The following CAMK2A variants were observed in gnomAD, a reference collection of about 807,000 sequenced individuals.
CAMK2A encodes calcium/calmodulin dependent protein kinase II alpha.
In CAMK2A, 7 loss-of-function variants were observed where a neutral mutation model predicts 79.2. That is an observed-to-expected ratio of 0.09 (90% CI 0.05 to 0.17). The LOEUF (loss-of-function observed/expected upper bound fraction) is 0.17, where lower values mean the gene tolerates loss of function less well. Among genes scored for constraint, CAMK2A ranks in the 10% least tolerant of loss-of-function variants. The probability of loss-of-function intolerance (pLI) is 1.00; values close to 1 mark genes in which losing one functional copy is unlikely to be tolerated. For missense variants in CAMK2A, 214 were observed against 646.4 expected (o/e 0.33, Z 7.25); for synonymous variants, 242 against 251.7 (o/e 0.96, Z 0.36).
At chr5:150,265,177 A>G (rs1295699292) in intron 2 of CAMK2A, 162 bp from the exon 3 acceptor site, 2 of 637,382 alleles carry the variant, frequency 3.1e-6, no homozygotes, top group Non-Finnish European at 2.9e-6. Flanking sequence ...CAGGAAGACC[A>G]TGGGGTGCAG....
chr5:150,231,508 G>T, intron 15 of CAMK2A, 128 bp from the exon 16 acceptor site: 1 of 372,340 alleles, frequency 2.7e-6, no homozygotes, highest in Non-Finnish European at 4.6e-6. Flanking sequence ...ACTCTGTGCT[G>T]GGACCTGAAG....
At chr5:150,249,678 G>A (rs886834691) in intron 11 of CAMK2A, among the ~76,000 whole-genome samples, 3 of 152,024 alleles carry the variant, frequency 2.0e-5, no homozygotes, top group African/African-American at 7.2e-5. Flanking sequence ...CTCCTGAGTA[G>A]CTGGGATTAC....
intron 15 of CAMK2A, among the ~76,000 whole-genome samples, chr5:150,236,339 T>C (rs1408953132): frequency 1.3e-5 from 2 of 152,202 alleles, no homozygotes; most frequent in African/African-American, 4.8e-5. Flanking sequence ...TCCAAGAAAA[T>C]GTCACCTGGC....
chr5:150,252,887 G>A (rs1316667808), intron 7 of CAMK2A, among the ~76,000 whole-genome samples: 1 of 152,186 alleles, frequency 6.6e-6, no homozygotes, highest in Non-Finnish European at 1.5e-5. Flanking sequence ...GTCGGGATTT[G>A]AACCCAGAAC....
At chr5:150,265,418 C>T (rs978571297) in intron 2 of CAMK2A, 1 of 180,376 alleles carries the variant, frequency 5.5e-6, no homozygotes, top group African/African-American at 2.3e-5. Context: ...CAGCTTGAAA[C>T]ACTTACTCTA....
upstream of CAMK2A, chr5:150,289,881 T>A: frequency 1.9e-6 from 1 of 517,172 alleles, no homozygotes; most frequent in South Asian, 2.7e-5. Context: ...GGTAACTGCC[T>A]CCCCAACACC....
intron 16 of CAMK2A, among the ~76,000 whole-genome samples, chr5:150,229,992 G>T (rs1206375727): frequency 6.6e-6 from 1 of 152,092 alleles, no homozygotes; most frequent in African/African-American, 2.4e-5. Context: ...TTTGCCACCT[G>T]CTGCTCCTGA....
chr5:150,226,852 G>A (rs1235234038), intron 17 of CAMK2A, among the ~76,000 whole-genome samples: 9 of 150,084 alleles, frequency 6.0e-5, no homozygotes, highest in Non-Finnish European at 1.0e-4. Flanking sequence ...CGCCCAGGCT[G>A]GATTGCAGTG....
chr5:150,259,647 C>G (rs1007369841), intron 3 of CAMK2A, among the ~76,000 whole-genome samples: 3 of 151,986 alleles, frequency 2.0e-5, no homozygotes, highest in Admixed American at 6.5e-5. Context: ...ACATGTAATT[C>G]TGCTTTAATT....
chr5:150,286,746 G>A (rs539119137), intron 1 of CAMK2A, among the ~76,000 whole-genome samples: 2 of 152,096 alleles, frequency 1.3e-5, no homozygotes, highest in Non-Finnish European at 2.9e-5. Flanking sequence ...AGGCCAGCCA[G>A]GGGGGAAGCA....
rs977799580 is a variant in CAMK2A, at chr5:150,284,039, G to A, written c.62+5525C>T. 6.6e-6 allele frequency among the ~76,000 whole-genome samples: 1 copy of A among 152,226 alleles called. No homozygotes were observed. Among genetic ancestry groups the A allele is most frequent in the Non-Finnish European group, 1.5e-5 (1 of 68,028 alleles). On this transcript the variant is annotated intron_variant, in intron 1 of 18. Coordinates refer to ENST00000671881, the MANE Select transcript of CAMK2A (RefSeq NM_015981.4). This position sits in a 1 kb window ranked among gnomAD's most constrained non-coding sequence, Gnocchi z 5.3. ...GTTGGGCTGCACCTGCACTCAGCAG[G>A]TTGCCTGGGGTAGGAGGCTTCCTAC... is the stretch of plus-strand genomic sequence containing the variant.
Position 150,256,733 on chromosome 5 carries a change from G to T in CAMK2A, c.338+33C>A, listed in dbSNP as rs569103894. The T allele has an allele frequency of 6.2e-7, 1 of 1,610,640 alleles. No homozygotes were observed. The highest frequency in any genetic ancestry group is 1.3e-5 in the African/African-American group (1 of 74,836). On this transcript the variant is annotated intron_variant, in intron 5 of 18. Coordinates refer to ENST00000671881, the MANE Select transcript of CAMK2A (RefSeq NM_015981.4). The surrounding 1 kb of genome is among the most constrained non-coding windows in gnomAD (Gnocchi z 4.6). ...CAGCAGGCAAGAGTGCCCTGTCCCCGGGTGCCATTGCCAGGCAGCACCTGA... is the reference window on the plus strand; with the variant it reads ...CAGCAGGCAAGAGTGCCCTGTCCCCTGGTGCCATTGCCAGGCAGCACCTGA...
chr5:150,222,584 G>A lies in CAMK2A; in HGVS notation c.*126C>T, dbSNP rs2114010355. On this transcript the variant is annotated 3_prime_UTR_variant, in exon 19 of 19. Coordinates refer to ENST00000671881, the MANE Select transcript of CAMK2A (RefSeq NM_015981.4). ...AGGTTTTCTTGATGCAGGTACAGAA[G>A]TGACGGTGGTGGGGTGATGACATGG... 1 of 1,039,200 alleles carries A rather than the reference G, an allele frequency of 9.6e-7. No homozygotes were observed. The highest frequency in any genetic ancestry group is 1.5e-6 in the Non-Finnish European group (1 of 668,894). 64.4% of individuals were successfully genotyped at this position (1,039,200 alleles called of 1,614,324 possible). A position where few individuals can be genotyped will look rare whatever the true frequency, so the allele number is the denominator to read the frequency against.
chr5:150,282,407 A>G (rs1580958613), intron 1 of CAMK2A, among the ~76,000 whole-genome samples: 1 of 152,240 alleles, frequency 6.6e-6, no homozygotes, highest in East Asian at 1.9e-4. Context: ...TTCTCTTTAC[A>G]GTGCTTAAAG....
chr5:150,241,893 T>C (rs1486300352), intron 13 of CAMK2A, among the ~76,000 whole-genome samples: 1 of 151,926 alleles, frequency 6.6e-6, no homozygotes, highest in Admixed American at 6.5e-5. Context: ...AGGCACAGAA[T>C]GGGGAAGGGG....
intron 11 of CAMK2A, among the ~76,000 whole-genome samples, chr5:150,249,746 C>T (rs761528076): frequency 2.0e-5 from 3 of 152,104 alleles, no homozygotes; most frequent in Non-Finnish European, 2.9e-5. Flanking sequence ...CAGGGTTTCA[C>T]CTCATTGGCC....
At chr5:150,242,789 C>T (rs1755406319) in intron 13 of CAMK2A, among the ~76,000 whole-genome samples, 1 of 152,224 alleles carries the variant, frequency 6.6e-6, no homozygotes, top group African/African-American at 2.4e-5. Context: ...ATTCTCCCCA[C>T]ACTCCTTCCG....
At position 150,245,259 on chromosome 5, in the gene CAMK2A, G is replaced by C. The variant is rs1348533236; in HGVS notation, c.944-58C>G. 3.2e-6 allele frequency: 5 copies of C among 1,553,928 alleles called. No homozygotes were observed. The East Asian group carries it at 9.0e-5, about 28-fold the overall frequency. ...GCCAGGCAGGGCACCAGGGCCCACA[G>C]GGCGAGGACGAGCAGCATCCACACG... On this transcript the variant is annotated intron_variant, in intron 12 of 18. Transcript: ENST00000671881.
intron 1 of CAMK2A, among the ~76,000 whole-genome samples, chr5:150,282,121 C>T (rs763143360): frequency 2.0e-5 from 3 of 152,134 alleles, no homozygotes; most frequent in African/African-American, 2.4e-5. Flanking sequence ...ACACCTCTCC[C>T]GTCCTCTCGA....
Sources: gnomAD v4.1 joint callset for allele counts (sites outside exome capture counted in the v4.1 genomes callset) on GRCh38, gnomAD v4.1.1 for gene constraint, Gnocchi (gnomAD v3.1) non-coding constraint, MANE v1.5 for transcripts, NCBI Gene and HGNC (gene_info 2026-07-23, HGNC 2026-07-21) for gene names.